Variants in FAM219B observed in about 807,000 individuals in gnomAD.
The protein encoded by FAM219B is protein FAM219B.
FAM219B carries 18 observed loss-of-function variants against 19.9 expected under a neutral mutation model. The observed-to-expected ratio is 0.91, with a 90% CI of 0.63 to 1.34. The LOEUF (loss-of-function observed/expected upper bound fraction) is 1.34. Ranked by LOEUF, FAM219B falls within the 40% of genes most tolerant of loss-of-function variation. The pLI is 0.00. For synonymous variants in FAM219B, 123 were observed against 117.5 expected (o/e 1.05, Z -0.30); for missense variants, 283 against 270.5 (o/e 1.05, Z -0.32).
In FAM219B at chr15:74,905,143, G is replaced by A. The variant is rs1373032848; in HGVS notation, c.380+11C>T. On this transcript the variant is annotated intron_variant, in intron 3 of 4. Coordinates refer to ENST00000357635, the MANE Select transcript of FAM219B (RefSeq NM_020447.5). ...GCTTCCCAAGGGGGTATTTCCAAGG[G>A]GAGCACTCACCTGTCAGAGTCGAGG... 19 of 1,613,968 alleles carry A rather than the reference G, an allele frequency of 1.2e-5. No homozygotes were observed. Among genetic ancestry groups the A allele is most frequent in the Non-Finnish European group, 1.6e-5 (19 of 1,179,900 alleles).
chr15:74,898,369 G>A (rs1468805091), downstream of FAM219B: 1 of 172,644 alleles, frequency 5.8e-6, no homozygotes, highest in African/African-American at 2.4e-5. Flanking sequence ...CTACACTCCA[G>A]AACACCGGTA....
Position 74,905,238 on chromosome 15 carries a change from G to C in FAM219B, c.303-7C>G, listed in dbSNP as rs925464197. ...CTTGTTAAACTTCACTGACCTGAGG[G>C]GAGACGGGGGAGAAGAGACCAAACA... On this transcript the variant is annotated splice_region_variant and splice_polypyrimidine_tract_variant and intron_variant, in intron 2 of 4. Coordinates refer to ENST00000357635, the MANE Select transcript of FAM219B (RefSeq NM_020447.5). 1.2e-6 allele frequency: 2 copies of C among 1,613,522 alleles called. No individual in the cohort carries two copies. The highest frequency in any genetic ancestry group is 1.7e-6 in the Non-Finnish European group (2 of 1,179,612).
rs535656237 is a variant in FAM219B, at chr15:74,905,194, G to C, written c.340C>G (p.Gln114Glu). 3.7e-6 allele frequency: 6 copies of C among 1,614,078 alleles called. No individual in the cohort carries two copies. The East Asian group carries it at 1.3e-4, about 36-fold the overall frequency. The change falls in exon 3 of 5, where the codon CAG becomes GAG. Residue 114 changes from glutamine to glutamate, a missense_variant. Gln to Glu is a conservative substitution (Grantham distance 29). Coordinates refer to ENST00000357635, the MANE Select transcript of FAM219B (RefSeq NM_020447.5). ...KFNKGYTALS[Q>E]SPDENLVSLD... ...GACACCAGGTTTTCATCTGGACTCTGGCTAAGAGCAGTATAGCCCTTGTTA... is the reference window on the plus strand; with the variant it reads ...GACACCAGGTTTTCATCTGGACTCTCGCTAAGAGCAGTATAGCCCTTGTTA...
chr15:74,906,430 G>T, intron 1 of FAM219B, 65 bp from the exon 2 acceptor site: 1 of 1,558,590 alleles, frequency 6.4e-7, no homozygotes, highest in Non-Finnish European at 8.7e-7. Context: ...CGAAGGCTGG[G>T]AGGCCGCTCT....
chr15:74,903,343 G>T (rs1412477258), intron 4 of FAM219B, among the ~76,000 whole-genome samples: 3 of 152,150 alleles, frequency 2.0e-5, no homozygotes, highest in Non-Finnish European at 4.4e-5. Flanking sequence ...GCTCACGCCT[G>T]TAATCTCAGC....
intron 1 of FAM219B, 38 bp from the exon 2 acceptor site, chr15:74,906,403 C>T: frequency 6.3e-7 from 1 of 1,577,430 alleles, no homozygotes; most frequent in Non-Finnish European, 8.6e-7. Context: ...GGGTCTTCCC[C>T]ACTCCGCCGC....
chr15:74,903,165 G>A (rs992562060), intron 4 of FAM219B, among the ~76,000 whole-genome samples: 14 of 152,196 alleles, frequency 9.2e-5, no homozygotes, highest in African/African-American at 2.7e-4. Context: ...ATGGGCTAGC[G>A]TAGTAGAGCA....
At chr15:74,906,031 G>A (rs893878215) in intron 2 of FAM219B, 8 of 491,126 alleles carry the variant, frequency 1.6e-5, no homozygotes, top group African/African-American at 1.2e-4. Flanking sequence ...AACAGAGGAG[G>A]AGAATGATAG....
chr15:74,906,183 T>C (rs530955449), intron 2 of FAM219B, 95 bp downstream of exon 2: 5 of 1,302,656 alleles, frequency 3.8e-6, no homozygotes, highest in Non-Finnish European at 5.3e-6. Flanking sequence ...GGGGAATCGC[T>C]AGCTCGGCCT....
Position 74,900,583 on chromosome 15 carries a change from A to G in FAM219B, c.*2036T>C, listed in dbSNP as rs995691920. The G allele has an allele frequency of 6.6e-6, 1 of 152,104 alleles. No homozygotes were observed. Among genetic ancestry groups the G allele is most frequent in the African/African-American group, 2.4e-5 (1 of 41,422 alleles). The allele number at this position is 152,104 out of a possible 1,614,324, so 9.4% of individuals were successfully genotyped here. ...ACTGTGCTACATTTGATCCCTTTCC[A>G]CATGTGCACTTCACCTCTGCAGACA... On this transcript the variant is annotated 3_prime_UTR_variant, in exon 5 of 5. Transcript: ENST00000357635.
rs2065134626 is a variant in FAM219B, at chr15:74,905,175, A to C, written c.359T>G (p.Leu120Arg). 2 of 1,613,984 alleles carry C rather than the reference A, an allele frequency of 1.2e-6. No individual in the cohort carries two copies. The highest frequency in any genetic ancestry group is 3.3e-5 in the Admixed American group (2 of 59,992). Residue 120 changes from leucine to arginine, a missense_variant, in exon 3 of 5, where the codon CTG becomes CGG. Physicochemically the swap from Leu to Arg is moderately radical, Grantham distance 102. Coordinates refer to ENST00000357635, the MANE Select transcript of FAM219B (RefSeq NM_020447.5). Reference protein sequence around the residue: ...TALSQSPDENLVSLDSDSDGE... With the variant: ...TALSQSPDENRVSLDSDSDGE... The stretch of plus-strand genomic sequence containing the variant: ...TCACCTGTCAGAGTCGAGGGACACC[A>C]GGTTTTCATCTGGACTCTGGCTAAG...
At chr15:74,898,483 A>C (rs2064856330), downstream of FAM219B, 1 of 156,920 alleles carries the variant, frequency 6.4e-6, no homozygotes, top group Non-Finnish European at 1.4e-5. Flanking sequence ...CCCTACAGAG[A>C]AGGTGACTCA....
intron 4 of FAM219B, among the ~76,000 whole-genome samples, chr15:74,903,997 G>T (rs1420036734): frequency 6.6e-6 from 1 of 152,236 alleles, no homozygotes; most frequent in Non-Finnish European, 1.5e-5. Flanking sequence ...CAAGCTTGGT[G>T]AAAGATGGGC....
intron 1 of FAM219B, 100 bp from the exon 2 acceptor site, chr15:74,906,465 G>C (rs955966551): frequency 1.3e-6 from 2 of 1,536,726 alleles, no homozygotes; most frequent in Admixed American, 2.0e-5. Flanking sequence ...TGAGGGGCGA[G>C]AGCAGGCTGC....
chr15:74,904,964 C>G, intron 3 of FAM219B, 190 bp downstream of exon 3: 1 of 1,536,876 alleles, frequency 6.5e-7, no homozygotes, highest in East Asian at 2.4e-5. Flanking sequence ...GCTCCGAATT[C>G]TAGAGCAGCA....
At position 74,905,099 on chromosome 15, in the gene FAM219B, C is replaced by T. The variant is rs759129067; in HGVS notation, c.380+55G>A. 42 of 1,612,042 alleles carry T rather than the reference C, an allele frequency of 2.6e-5. No individual in the cohort carries two copies. The African/African-American group carries it at 5.1e-4, about 19-fold the overall frequency. On this transcript the variant is annotated intron_variant, in intron 3 of 4. Transcript: ENST00000357635. ...GGAACAAGCAAAGGCATCAGGCGATCTTCAGTCCCAGCCAAGTTGCTTCCC... is the reference window on the plus strand; with the variant it reads ...GGAACAAGCAAAGGCATCAGGCGATTTTCAGTCCCAGCCAAGTTGCTTCCC...
Position 74,902,496 on chromosome 15 carries a change from C to A in FAM219B, c.*123G>T. On this transcript the variant is annotated 3_prime_UTR_variant, in exon 5 of 5. Coordinates refer to ENST00000357635, the MANE Select transcript of FAM219B (RefSeq NM_020447.5). Reference sequence around the variant, plus strand: ...TGGCCTGAGAAGCAACAGGTAAGGGCTACCTGCAGGTCACTTTCTAGGGGT... The same window carrying A: ...TGGCCTGAGAAGCAACAGGTAAGGGATACCTGCAGGTCACTTTCTAGGGGT... 1.0e-6 allele frequency: 1 copy of A among 1,003,802 alleles called. No homozygotes were observed. Among genetic ancestry groups the A allele is most frequent in the Non-Finnish European group, 1.4e-6 (1 of 725,900 alleles). The allele number at this position is 1,003,802 out of a possible 1,614,324, so 62.2% of individuals were successfully genotyped here. A position where few individuals can be genotyped will look rare whatever the true frequency, so the allele number is the denominator to read the frequency against.
rs565585726 is a variant in FAM219B, at chr15:74,903,387, TC to T, written c.430-602del. Among the ~76,000 whole-genome samples, 318 of 151,844 alleles carry T rather than the reference TC, an allele frequency of 2.1e-3. 1 individual carries two copies. The highest frequency in any genetic ancestry group is 7.6e-3 in the African/African-American group (313 of 41,400). ...AGGCCGAGGCAGGTGGATCACGAGG[TC>T]AGGAGATCGAGACCATCCTGGCTAA... On this transcript the variant is annotated intron_variant, in intron 4 of 4. Transcript: ENST00000357635.
At chr15:74,904,623 C>T in intron 4 of FAM219B, 41 bp downstream of exon 4, 1 of 1,611,994 alleles carries the variant, frequency 6.2e-7, no homozygotes, top group South Asian at 1.1e-5. Context: ...GGTAATGCTG[C>T]CTGCAGCCTG....
Sources: allele counts gnomAD v4.1 joint callset (sites outside exome capture counted in the v4.1 genomes callset), GRCh38; gene constraint gnomAD v4.1.1; transcripts MANE v1.5; gene names NCBI Gene and HGNC (gene_info 2026-07-23, HGNC 2026-07-21).